The following LPAR3 variants were observed in gnomAD, a reference collection of about 807,000 sequenced individuals.
The protein encoded by LPAR3 is lysophosphatidic acid receptor 3.
LPAR3 carries 7 observed loss-of-function variants against 17.8 expected under a neutral mutation model. The ratio of observed to expected loss-of-function variants is 0.39; its 90% CI spans 0.22 to 0.74. The LOEUF (loss-of-function observed/expected upper bound fraction) is 0.74. Among genes scored for constraint, LPAR3 ranks in the 30% least tolerant of loss-of-function variants. The pLI is 0.40. For synonymous variants in LPAR3, 179 were observed against 179.9 expected, an observed-to-expected ratio of 0.99 and a Z score of 0.04; for missense variants, 391 against 453.4, an observed-to-expected ratio of 0.86 and a Z score of 1.25.
chr1:84,831,165 T>TCTCCTCTC (rs1659276222), intron 2 of LPAR3, among the ~76,000 whole-genome samples: 1 of 152,228 alleles, frequency 6.6e-6, no homozygotes, highest in Non-Finnish European at 1.5e-5. Flanking sequence ...TCTCAAACAG[T>TCTCCTCTC]GAACCTCACC....
At chr1:84,869,422 A>G (rs532695987) in intron 1 of LPAR3, among the ~76,000 whole-genome samples, 145 of 152,228 alleles carry the variant, frequency 9.5e-4, no homozygotes, top group African/African-American at 3.3e-3. Context: ...GTAATGAGAG[A>G]AAAAAAACTT....
At chr1:84,815,564 G>A (rs1286654294) in intron 2 of LPAR3, among the ~76,000 whole-genome samples, 1 of 152,156 alleles carries the variant, frequency 6.6e-6, no homozygotes, top group African/African-American at 2.4e-5. Context: ...GGATTATAAA[G>A]AGGCAGTGTA....
intron 1 of LPAR3, among the ~76,000 whole-genome samples, chr1:84,886,108 C>A (rs1470071041): frequency 2.0e-5 from 3 of 152,294 alleles, no homozygotes; most frequent in Non-Finnish European, 2.9e-5. Flanking sequence ...AAATACAATT[C>A]TCATATTGCA....
intron 1 of LPAR3, among the ~76,000 whole-genome samples, chr1:84,867,132 C>T (rs1419398486): frequency 2.0e-5 from 3 of 152,216 alleles, no homozygotes; most frequent in Non-Finnish European, 4.4e-5. Context: ...TAAAAGATCT[C>T]TTGAATCCCA....
chr1:84,871,600 A>G (rs1660159451), intron 1 of LPAR3, among the ~76,000 whole-genome samples: 1 of 152,214 alleles, frequency 6.6e-6, no homozygotes, highest in African/African-American at 2.4e-5. Context: ...AACTCTATCC[A>G]GATGGGAGTT....
intron 1 of LPAR3, among the ~76,000 whole-genome samples, chr1:84,875,740 A>G (rs566880201): frequency 6.1e-4 from 93 of 152,226 alleles, no homozygotes; most frequent in Non-Finnish European, 1.1e-3. Flanking sequence ...AAAATTCACA[A>G]CAGACAAAAT....
chr1:84,865,728 GA>G lies in LPAR3; in HGVS notation c.392del (p.Ile131ThrfsTer2). The G allele has an allele frequency of 6.2e-7, 1 of 1,614,198 alleles. No individual in the cohort carries two copies. Among genetic ancestry groups the G allele is most frequent in the Non-Finnish European group, 8.5e-7 (1 of 1,180,044 alleles). On this transcript the variant is annotated frameshift_variant, in exon 2 of 3. Coordinates refer to ENST00000370611, the MANE Select transcript of LPAR3 (RefSeq NM_012152.3). LOFTEE classifies it high-confidence loss of function. ...LVIAVERHMS[I>X]MRMRVHSNLT... Reference sequence around the variant, plus strand: ...GGTTGCTATGGACCCGCATCCTCATGATTGACATGTGCCTCTCCACGGCGAT... The same window carrying G: ...GGTTGCTATGGACCCGCATCCTCATGTTGACATGTGCCTCTCCACGGCGAT...
At position 84,821,975 on chromosome 1, in the gene LPAR3, G is replaced by T. The variant is rs140355031; in HGVS notation, c.737-7804C>A. Among the ~76,000 whole-genome samples, 987 of 152,278 alleles carry T rather than the reference G, an allele frequency of 6.5e-3. 16 individuals carry two copies. The highest frequency in any genetic ancestry group is 0.023 in the African/African-American group (945 of 41,552). Reference sequence around the variant, plus strand: ...TCCAGTTGGAGATGTGTAGAAGGCAGCCAGGAGCATGGGTCAGAACTCTGA... The same window carrying T: ...TCCAGTTGGAGATGTGTAGAAGGCATCCAGGAGCATGGGTCAGAACTCTGA... On this transcript the variant is annotated intron_variant, in intron 2 of 2. Coordinates refer to ENST00000370611, the MANE Select transcript of LPAR3 (RefSeq NM_012152.3).
At chr1:84,832,894 T>A (rs2102750551) in intron 2 of LPAR3, among the ~76,000 whole-genome samples, 1 of 152,314 alleles carries the variant, frequency 6.6e-6, no homozygotes, top group Admixed American at 6.5e-5. Flanking sequence ...TTTGAAAGAA[T>A]CCTCTATTTA....
chr1:84,876,981 GGTTT>G (rs544436545), intron 1 of LPAR3, among the ~76,000 whole-genome samples: 91 of 152,078 alleles, frequency 6.0e-4, no homozygotes, highest in Non-Finnish European at 9.6e-4. Flanking sequence ...ATCTACCCAT[GGTTT>G]ACTGCATACT....
At chr1:84,867,114 C>A (rs947617822) in intron 1 of LPAR3, among the ~76,000 whole-genome samples, 2 of 152,174 alleles carry the variant, frequency 1.3e-5, no homozygotes, top group Non-Finnish European at 2.9e-5. Context: ...AGACACTAAT[C>A]CTCTCAGTAA....
chr1:84,869,706 G>C (rs766530804), intron 1 of LPAR3, among the ~76,000 whole-genome samples: 14 of 152,044 alleles, frequency 9.2e-5, no homozygotes, highest in Non-Finnish European at 2.1e-4. Flanking sequence ...TCTGTAATAA[G>C]TAAATCAAGA....
chr1:84,823,976 G>C (rs1659102093), intron 2 of LPAR3, among the ~76,000 whole-genome samples: 1 of 152,146 alleles, frequency 6.6e-6, no homozygotes, highest in African/African-American at 2.4e-5. Flanking sequence ...GTCCTCTGTT[G>C]CAACTTACCT....
rs60980150 is a variant in LPAR3 at position 84,817,893 on chromosome 1, G to A, written c.737-3722C>T. Among the ~76,000 whole-genome samples the A allele has an allele frequency of 6.6e-3, 998 of 152,276 alleles. 10 individuals carry two copies. The highest frequency in any genetic ancestry group is 0.022 in the African/African-American group (931 of 41,548). ...ATGGTCAGACATGACATACTACGGAGGGGCCCTTGAAGTCCAGAGGTACCC... is the reference window on the plus strand; with the variant it reads ...ATGGTCAGACATGACATACTACGGAAGGGCCCTTGAAGTCCAGAGGTACCC... On this transcript the variant is annotated intron_variant, in intron 2 of 2. Transcript: ENST00000370611.
rs139164712 is a variant in LPAR3, at chr1:84,817,044, G to A, written c.737-2873C>T. 1.5e-3 allele frequency among the ~76,000 whole-genome samples: 226 copies of A among 152,044 alleles called. 1 individual carries two copies. Among genetic ancestry groups the A allele is most frequent in the African/African-American group, 5.0e-3 (209 of 41,458 alleles). Reference sequence around the variant, plus strand: ...ATTTTATCTACTAGTTCCCAGATGCGTACCTCTGGACACTCATTCATATTT... The same window carrying A: ...ATTTTATCTACTAGTTCCCAGATGCATACCTCTGGACACTCATTCATATTT... On this transcript the variant is annotated intron_variant, in intron 2 of 2. Coordinates refer to ENST00000370611, the MANE Select transcript of LPAR3 (RefSeq NM_012152.3).
At chr1:84,876,772 G>C (rs1172305082) in intron 1 of LPAR3, among the ~76,000 whole-genome samples, 1 of 152,158 alleles carries the variant, frequency 6.6e-6, no homozygotes, top group African/African-American at 2.4e-5. Context: ...ACATGTTATG[G>C]ATTTTCTTAA....
chr1:84,862,305 G>A (rs1296373291), intron 2 of LPAR3, among the ~76,000 whole-genome samples: 2 of 152,158 alleles, frequency 1.3e-5, no homozygotes, highest in Admixed American at 6.5e-5. Context: ...ATGTGTCAAC[G>A]GTGTCAAAGC....
chr1:84,842,809 G>C (rs905208565), intron 2 of LPAR3, among the ~76,000 whole-genome samples: 2 of 152,144 alleles, frequency 1.3e-5, no homozygotes, highest in African/African-American at 4.8e-5. Context: ...AGTCTTCCAG[G>C]GGTGCTGTTT....
At chr1:84,828,011 G>T (rs979244032) in intron 2 of LPAR3, among the ~76,000 whole-genome samples, 3 of 152,156 alleles carry the variant, frequency 2.0e-5, no homozygotes, top group African/African-American at 7.2e-5. Flanking sequence ...AGAAGAGGGG[G>T]TGGAGGGGAG....
Sources: gnomAD v4.1 joint callset for allele counts (sites outside exome capture counted in the v4.1 genomes callset) on GRCh38, gnomAD v4.1.1 for gene constraint, MANE v1.5 for transcripts, NCBI Gene and HGNC (gene_info 2026-07-23, HGNC 2026-07-21) for gene names.